Variants in DLGAP2 observed in about 807,000 individuals in gnomAD.
The protein encoded by DLGAP2 is disks large-associated protein 2.
DLGAP2 carries 26 observed loss-of-function variants against 100.3 expected under a neutral mutation model. The ratio of observed to expected loss-of-function variants is 0.26; its 90% CI spans 0.19 to 0.36. The LOEUF (loss-of-function observed/expected upper bound fraction) is 0.36. Ranked by LOEUF, DLGAP2 falls within the 10% of genes least tolerant of loss-of-function variation. The pLI is 1.00. For missense variants in DLGAP2, 1,858 were observed against 1,453.2 expected (o/e 1.28, Z -4.53); for synonymous variants, 886 against 630.1 (o/e 1.41, Z -6.08).
intron 3 of DLGAP2, among the ~76,000 whole-genome samples, chr8:1,430,136 T>C (rs10106073): frequency 0.22 from 32,212 of 149,084 alleles, 3,785 homozygotes; most frequent in East Asian, 0.34. Context: ...GATAATTTTA[T>C]GGCTCCTTAG....
intron 3 of DLGAP2, among the ~76,000 whole-genome samples, chr8:1,347,842 T>C (rs575953436): frequency 3.0e-4 from 45 of 151,476 alleles, no homozygotes; most frequent in African/African-American, 1.0e-3. Flanking sequence ...GTGTGGAGAT[T>C]GAGTTCCCAT....
At chr8:1,307,816 GA>G (rs1177008380) in intron 3 of DLGAP2, among the ~76,000 whole-genome samples, 1 of 152,074 alleles carries the variant, frequency 6.6e-6, no homozygotes, top group Admixed American at 6.6e-5. Context: ...GAAAGCAGTC[GA>G]ATTCATAAAG....
At chr8:1,112,837 G>C (rs1805003154) in intron 2 of DLGAP2, among the ~76,000 whole-genome samples, 1 of 152,150 alleles carries the variant, frequency 6.6e-6, no homozygotes. Flanking sequence ...ATAATTTTGG[G>C]TTTTACATTT....
intron 1 of DLGAP2, among the ~76,000 whole-genome samples, chr8:823,113 A>C (rs1458830795): frequency 2.0e-5 from 3 of 151,828 alleles, no homozygotes; most frequent in African/African-American, 7.3e-5. Context: ...TCCTTCTTTT[A>C]CGTCTCACTT....
At chr8:1,296,803 G>A (rs937355659) in intron 3 of DLGAP2, among the ~76,000 whole-genome samples, 1 of 152,176 alleles carries the variant, frequency 6.6e-6, no homozygotes, top group Non-Finnish European at 1.5e-5. Context: ...TGTGGTGGGT[G>A]CACAGCCGCA....
chr8:779,171 G>A (rs1563427493), intron 1 of DLGAP2, among the ~76,000 whole-genome samples: 1 of 152,246 alleles, frequency 6.6e-6, no homozygotes, highest in Non-Finnish European at 1.5e-5. Context: ...CGCTTCCCGA[G>A]TGAGGCAATG....
At chr8:857,054 G>C (rs1049851584) in intron 1 of DLGAP2, among the ~76,000 whole-genome samples, 2 of 152,204 alleles carry the variant, frequency 1.3e-5, no homozygotes, top group African/African-American at 4.8e-5. Context: ...AGAGGGTCCA[G>C]AGACAGACCC....
intron 6 of DLGAP2, among the ~76,000 whole-genome samples, chr8:1,620,216 C>G (rs962142335): frequency 6.6e-6 from 1 of 152,190 alleles, no homozygotes; most frequent in African/African-American, 2.4e-5. Flanking sequence ...ATGACCCCAG[C>G]TTGCTGCATC....
intron 2 of DLGAP2, among the ~76,000 whole-genome samples, chr8:910,111 C>A (rs142151062): frequency 1.3e-5 from 2 of 152,284 alleles, no homozygotes; most frequent in South Asian, 4.2e-4. Context: ...GACGGCTGCC[C>A]GGCCGTGAGA....
At chr8:1,552,285 G>T (rs1290387069) in intron 5 of DLGAP2, among the ~76,000 whole-genome samples, 1 of 152,236 alleles carries the variant, frequency 6.6e-6, no homozygotes, top group African/African-American at 2.4e-5. Flanking sequence ...CATGGCGCTC[G>T]TTCACAAGGG....
chr8:888,399 T>C (rs1223350570), intron 1 of DLGAP2, among the ~76,000 whole-genome samples: 1 of 152,200 alleles, frequency 6.6e-6, no homozygotes, highest in Non-Finnish European at 1.5e-5. Context: ...GTCCACCTGA[T>C]CCTCCATCCA....
chr8:1,298,651 C>T (rs1379923185), intron 3 of DLGAP2, among the ~76,000 whole-genome samples: 2 of 152,130 alleles, frequency 1.3e-5, no homozygotes, highest in Non-Finnish European at 2.9e-5. Flanking sequence ...TGGGACGGCT[C>T]AGCAGGCACC....
At chr8:1,407,439 A>G (rs1246397780) in intron 3 of DLGAP2, among the ~76,000 whole-genome samples, 2 of 140,498 alleles carry the variant, frequency 1.4e-5, no homozygotes, top group African/African-American at 5.2e-5. Flanking sequence ...AGAGTCGTGT[A>G]TTGAGTGCTT....
At chr8:817,568 C>G (rs1215933140) in intron 1 of DLGAP2, among the ~76,000 whole-genome samples, 1 of 152,126 alleles carries the variant, frequency 6.6e-6, no homozygotes, top group Non-Finnish European at 1.5e-5. Flanking sequence ...AATTGTTTTT[C>G]TGGTTCCTTC....
intron 2 of DLGAP2, among the ~76,000 whole-genome samples, chr8:1,089,836 ATTGT>A (rs1804112514): frequency 6.6e-6 from 1 of 152,266 alleles, no homozygotes; most frequent in Non-Finnish European, 1.5e-5. Context: ...ATCAGACCTG[ATTGT>A]TTGGGAGACA....
intron 2 of DLGAP2, among the ~76,000 whole-genome samples, chr8:1,111,739 A>G (rs1257219556): frequency 6.6e-6 from 1 of 152,102 alleles, no homozygotes; most frequent in Non-Finnish European, 1.5e-5. Context: ...CATGGGTCTT[A>G]TTCTTTTTAT....
At chr8:1,043,632 G>C (rs1018997982) in intron 2 of DLGAP2, among the ~76,000 whole-genome samples, 2 of 151,940 alleles carry the variant, frequency 1.3e-5, no homozygotes, top group African/African-American at 4.8e-5. Flanking sequence ...GGGGGATGAA[G>C]GGGGAACATG....
intron 2 of DLGAP2, among the ~76,000 whole-genome samples, chr8:997,555 C>G (rs1800816352): frequency 6.6e-6 from 1 of 152,122 alleles, no homozygotes. Flanking sequence ...CGGGATGATA[C>G]TCTGTGGTAT....
chr8:1,617,596 T>C (rs980377657), intron 6 of DLGAP2, among the ~76,000 whole-genome samples: 1 of 152,240 alleles, frequency 6.6e-6, no homozygotes, highest in Non-Finnish European at 1.5e-5. Context: ...AAGTTCCTTA[T>C]AGATGCTGGG....
Sources: gnomAD v4.1 joint callset for allele counts (sites outside exome capture counted in the v4.1 genomes callset) on GRCh38, gnomAD v4.1.1 for gene constraint, MANE v1.5 for transcripts, NCBI Gene and HGNC (gene_info 2026-07-23, HGNC 2026-07-21) for gene names.